UTRN: variants seen among roughly 807,000 people sequenced by gnomAD.
UTRN encodes the protein utrophin, also known as dystrophin-related protein 1.
UTRN carries 283 observed loss-of-function variants against 463.9 expected under a neutral mutation model. The ratio of observed to expected loss-of-function variants is 0.61; its 90% CI spans 0.55 to 0.67. UTRN has a LOEUF of 0.67. Among genes scored for constraint, UTRN ranks in the 30% least tolerant of loss-of-function variants. The pLI is 0.00. For missense variants in UTRN, 3,922 were observed against 4,084.3 expected (o/e 0.96, Z 1.08); for synonymous variants, 1,442 against 1,431.5 (o/e 1.01, Z -0.17).
intron 50 of UTRN, among the ~76,000 whole-genome samples, chr6:144,569,205 C>A (rs1800704693): frequency 6.6e-6 from 1 of 151,502 alleles, no homozygotes; most frequent in East Asian, 1.9e-4. Flanking sequence ...ATATTAATTT[C>A]AAAAATCAGA....
At chr6:144,561,258 T>TATACACACACAC (rs1554290270) in intron 50 of UTRN, among the ~76,000 whole-genome samples, 3 of 78,812 alleles carry the variant, frequency 3.8e-5, no homozygotes, top group East Asian at 3.0e-4. Context: ...TATATATATA[T>TATACACACACAC]ATACATACAC....
chr6:144,485,724 A>G (rs1306018626), intron 28 of UTRN, among the ~76,000 whole-genome samples: 1 of 152,210 alleles, frequency 6.6e-6, no homozygotes, highest in Non-Finnish European at 1.5e-5. Flanking sequence ...ATCAGCCTCA[A>G]GACGTGGTTA....
Position 144,839,201 on chromosome 6 carries a change from T to C in UTRN, c.10094T>C (p.Val3365Ala). The change falls in exon 72 of 75, where the codon GTT becomes GCT. Residue 3365 changes from valine (V) to alanine (A), a missense_variant. Val to Ala is a moderately conservative substitution (Grantham distance 64). Transcript: ENST00000367545. ...GAATCTGATTCCCGAATCAATGGTG[T>C]TTCCCCATGGGCTTCTCCTCAGCAT... ...QPESDSRINGVSPWASPQHSA... is the reference protein window; with the variant it reads ...QPESDSRINGASPWASPQHSA... 1 of 1,614,136 alleles carries C rather than the reference T, an allele frequency of 6.2e-7. No homozygotes were observed. The highest frequency in any genetic ancestry group is 1.1e-5 in the South Asian group (1 of 91,086).
At chr6:144,717,627 C>CTTTTTTTTTTTTTTTTTTTT (rs1333769413) in intron 53 of UTRN, among the ~76,000 whole-genome samples, 3 of 112,682 alleles carry the variant, frequency 2.7e-5, no homozygotes, top group South Asian at 2.8e-4. Context: ...TTTTTCTTTT[C>CTTTTTTTTTTTTTTTTTTTT]TTTTTTCTTT....
chr6:144,485,491 A>G lies in UTRN; in HGVS notation c.3794A>G (p.Lys1265Arg). Residue 1265 changes from lysine to arginine, a missense_variant, in exon 28 of 75, where the codon AAG (lysine) becomes AGG (arginine). Transcript: ENST00000367545. ...RMKSTEVLPE[K>R]TDAVNEALES... ...AAGAGCACAGAGGTCCTGCCTGAGA[A>G]GACGGATGCTGTCAACGAAGCCCTG... The G allele has an allele frequency of 6.2e-7, 1 of 1,614,150 alleles. No individual in the cohort carries two copies. Among genetic ancestry groups the G allele is most frequent in the Non-Finnish European group, 8.5e-7 (1 of 1,180,012 alleles).
chr6:144,385,713 T>TG (rs1781351107), intron 2 of UTRN, among the ~76,000 whole-genome samples: 1 of 152,020 alleles, frequency 6.6e-6, no homozygotes, highest in African/African-American at 2.4e-5. Flanking sequence ...TCTATTTTTT[T>TG]TTTTTTTTCT....
chr6:144,666,622 A>G (rs1395968211), intron 51 of UTRN, among the ~76,000 whole-genome samples: 1 of 152,232 alleles, frequency 6.6e-6, no homozygotes, highest in Non-Finnish European at 1.5e-5. Flanking sequence ...CAAAGTTAAT[A>G]TGCCACCAAA....
intron 41 of UTRN, among the ~76,000 whole-genome samples, chr6:144,525,563 CCT>C (rs1244074435): frequency 1.3e-5 from 2 of 152,066 alleles, no homozygotes; most frequent in South Asian, 4.1e-4. Context: ...TGATTTGGAT[CCT>C]CTCTCTTTTC....
At position 144,851,088 on chromosome 6, in the gene UTRN, C is replaced by G. The variant is rs1782454144; in HGVS notation, c.*91C>G. On this transcript the variant is annotated 3_prime_UTR_variant, in exon 75 of 75. Transcript: ENST00000367545. ...CCAAGTTCCATTAAATCAGAAGCTCCATGGCTCCTTGGCCCACGATGTTGA... is the reference window on the plus strand; with the variant it reads ...CCAAGTTCCATTAAATCAGAAGCTCGATGGCTCCTTGGCCCACGATGTTGA... 1 of 1,560,828 alleles carries G rather than the reference C, an allele frequency of 6.4e-7. No homozygotes were observed. Among genetic ancestry groups the G allele is most frequent in the Non-Finnish European group, 8.8e-7 (1 of 1,131,926 alleles).
At chr6:144,699,963 C>T in intron 52 of UTRN, 124 bp from the exon 53 acceptor site, 3 of 792,440 alleles carry the variant, frequency 3.8e-6, no homozygotes, top group Non-Finnish European at 5.2e-6. Context: ...GAGTCAGTCT[C>T]TTTTGTGGAA....
intron 9 of UTRN, among the ~76,000 whole-genome samples, chr6:144,433,098 C>T (rs1281517829): frequency 6.6e-6 from 1 of 152,352 alleles, no homozygotes; most frequent in East Asian, 1.9e-4. Flanking sequence ...TCTACACAGA[C>T]ACGGCAACCA....
At chr6:144,535,933 C>G (rs1301387416) in intron 43 of UTRN, among the ~76,000 whole-genome samples, 1 of 152,082 alleles carries the variant, frequency 6.6e-6, no homozygotes, top group Non-Finnish European at 1.5e-5. Flanking sequence ...GTGTGTGCTA[C>G]CACACCCAGC....
At chr6:144,819,932 CTT>C in intron 65 of UTRN, among the ~76,000 whole-genome samples, 1 of 149,070 alleles carries the variant, frequency 6.7e-6, no homozygotes, top group African/African-American at 2.5e-5. Context: ...CTCTCTCTCT[CTT>C]TCTGTCTCTA....
intron 2 of UTRN, among the ~76,000 whole-genome samples, chr6:144,294,440 A>G (rs558071861): frequency 6.6e-6 from 1 of 152,168 alleles, no homozygotes; most frequent in Non-Finnish European, 1.5e-5. Context: ...TTTAGTTTAG[A>G]TTAAGTCATA....
chr6:144,764,901 T>A (rs1038203965), intron 58 of UTRN, among the ~76,000 whole-genome samples: 1 of 152,208 alleles, frequency 6.6e-6, no homozygotes, highest in African/African-American at 2.4e-5. Flanking sequence ...TCCCCTCAAC[T>A]GTTGTGGGAA....
chr6:144,523,345 TG>T (rs1796278702), intron 41 of UTRN, among the ~76,000 whole-genome samples, 157 bp downstream of exon 41: 1 of 152,124 alleles, frequency 6.6e-6, no homozygotes, highest in Non-Finnish European at 1.5e-5. Flanking sequence ...AGTCTTGCTC[TG>T]TCACCCAGGC....
intron 51 of UTRN, among the ~76,000 whole-genome samples, chr6:144,661,364 A>G (rs190672479): frequency 6.6e-6 from 1 of 152,250 alleles, no homozygotes; most frequent in East Asian, 1.9e-4. Flanking sequence ...ATGTGGAGAG[A>G]GAAGAATTTA....
At chr6:144,789,099 T>A (rs1776539852) in intron 61 of UTRN, 95 bp from the exon 62 acceptor site, 1 of 965,336 alleles carries the variant, frequency 1.0e-6, no homozygotes, top group East Asian at 2.5e-5. Context: ...TTATTTTTGA[T>A]GGTTTACCCC....
At chr6:144,409,181 G>A (rs984096193) in intron 3 of UTRN, among the ~76,000 whole-genome samples, 2 of 152,140 alleles carry the variant, frequency 1.3e-5, no homozygotes, top group African/African-American at 2.4e-5. Flanking sequence ...TGTTGTTGCT[G>A]TTTGTTTTGT....
Sources: allele counts gnomAD v4.1 joint callset (sites outside exome capture counted in the v4.1 genomes callset), GRCh38; gene constraint gnomAD v4.1.1; transcripts MANE v1.5; gene names NCBI Gene and HGNC (gene_info 2026-07-23, HGNC 2026-07-21).